DRG1: variants seen among roughly 807,000 people sequenced by gnomAD.
DRG1 encodes the protein developmentally-regulated GTP-binding protein 1.
A neutral mutation model predicts 38.8 loss-of-function variants in DRG1; 19 were observed. That is an observed-to-expected ratio of 0.49 (90% confidence interval 0.34 to 0.72). DRG1 has a LOEUF of 0.72. DRG1 is among the 30% of genes least tolerant of loss of function. DRG1 has a pLI of 0.01. For synonymous variants in DRG1, 167 were observed against 157.5 expected, an observed-to-expected ratio of 1.06 and a Z score of -0.45; for missense variants, 299 against 444.8, an observed-to-expected ratio of 0.67 and a Z score of 2.95.
At chr22:31,428,003 G>A (rs1407071259) in intron 8 of DRG1, among the ~76,000 whole-genome samples, 3 of 152,030 alleles carry the variant, frequency 2.0e-5, no homozygotes, top group Non-Finnish European at 1.5e-5. Flanking sequence ...ACAGGCATGA[G>A]CCACCGTGCC....
At position 31,400,687 on chromosome 22, in the gene DRG1, A is replaced by G; in HGVS notation, c.110A>G (p.Lys37Arg). 6.2e-7 allele frequency: 1 copy of G among 1,613,592 alleles called. No homozygotes were observed. Among genetic ancestry groups the G allele is most frequent in the Non-Finnish European group, 8.5e-7 (1 of 1,179,652 alleles). ...HLGLLKARLA[K>R]LRRELITPKG... ...GGGCTGCTTAAGGCTCGTCTTGCTA[A>G]GCTTCGTCGAGAACTCATTACTCCA... Residue 37 changes from lysine to arginine, a missense_variant, in exon 2 of 9, where the codon AAG becomes AGG. By Grantham distance (26) the Lys-to-Arg change is conservative. Around this residue, in one of 3 missense-constraint regions of DRG1, gnomAD observed 51 missense variants for 56.1 expected, o/e 0.91. Coordinates refer to ENST00000331457, the MANE Select transcript of DRG1 (RefSeq NM_004147.4).
intron 7 of DRG1, 22 bp from the exon 8 acceptor site, chr22:31,427,038 C>G (rs1172020133): frequency 6.2e-7 from 1 of 1,613,422 alleles, no homozygotes. Context: ...AGGCAGTAAT[C>G]TTTATGCCCT....
chr22:31,417,063 C>CAAA (rs71319192), intron 4 of DRG1, among the ~76,000 whole-genome samples: 1 of 143,496 alleles, frequency 7.0e-6, no homozygotes, highest in Admixed American at 7.0e-5. Flanking sequence ...CACCCTGTCT[C>CAAA]AAAAAAAAAA....
intron 8 of DRG1, among the ~76,000 whole-genome samples, chr22:31,429,165 CTGGAG>C (rs1320030957): frequency 1.3e-5 from 2 of 152,124 alleles, no homozygotes; most frequent in Non-Finnish European, 2.9e-5. Flanking sequence ...TAGCCATAGG[CTGGAG>C]TGTAGTGGCA....
intron 8 of DRG1, among the ~76,000 whole-genome samples, chr22:31,430,562 T>A (rs1446736974): frequency 6.6e-6 from 1 of 151,316 alleles, no homozygotes. Context: ...ACCACACTCG[T>A]CTAATTTTTT....
intron 8 of DRG1, among the ~76,000 whole-genome samples, chr22:31,430,748 G>T (rs1202163417): frequency 6.6e-6 from 1 of 151,650 alleles, no homozygotes; most frequent in African/African-American, 2.4e-5. Flanking sequence ...TTTGAGACAG[G>T]TTCTCTGTCT....
At chr22:31,412,653 CTTTCT>C (rs2050024430) in intron 4 of DRG1, among the ~76,000 whole-genome samples, 4 of 151,772 alleles carry the variant, frequency 2.6e-5, no homozygotes, top group Admixed American at 2.6e-4. Flanking sequence ...CTGGCCCTCT[CTTTCT>C]TTTCTTTGAT....
Position 31,427,104 on chromosome 22 carries a change from T to C in DRG1, c.926T>C (p.Val309Ala), listed in dbSNP as rs2050115192. ...CAGTTACCAGATTACACATCCCCAG[T>C]GGTGCTTCCTTACTCCAGGACCACA... ...KGQLPDYTSPVVLPYSRTTVE... is the reference protein window; with the variant it reads ...KGQLPDYTSPAVLPYSRTTVE... Residue 309 changes from valine to alanine, a missense_variant, in exon 8 of 9, where the codon GTG (valine) becomes GCG (alanine). Val to Ala is a moderately conservative substitution (Grantham distance 64, BLOSUM62 0). Transcript: ENST00000331457. The C allele has an allele frequency of 6.2e-7, 1 of 1,613,988 alleles. No homozygotes were observed. The highest frequency in any genetic ancestry group is 1.7e-5 in the Admixed American group (1 of 59,988).
At chr22:31,430,886 T>G (rs2050134804) in intron 8 of DRG1, among the ~76,000 whole-genome samples, 1 of 150,582 alleles carries the variant, frequency 6.6e-6, no homozygotes, top group African/African-American at 2.4e-5. Flanking sequence ...CCCAGCAAAT[T>G]TTTTTTTTAT....
intron 6 of DRG1, among the ~76,000 whole-genome samples, chr22:31,425,195 G>T (rs2050103014): frequency 6.6e-6 from 1 of 151,962 alleles, no homozygotes; most frequent in South Asian, 2.1e-4. Context: ...CCCCATTTCA[G>T]TTTTTTTCTT....
At chr22:31,405,679 GT>G (rs910542421) in intron 3 of DRG1, among the ~76,000 whole-genome samples, 22 of 146,220 alleles carry the variant, frequency 1.5e-4, no homozygotes, top group Admixed American at 4.8e-4. Context: ...GTGTGTGTGT[GT>G]GGGGGGGTTT....
chr22:31,416,877 T>C (rs1325764870), intron 4 of DRG1, among the ~76,000 whole-genome samples: 1 of 143,292 alleles, frequency 7.0e-6, no homozygotes, highest in Non-Finnish European at 1.5e-5. Flanking sequence ...CACTCCACCC[T>C]GGTGACAGCA....
chr22:31,413,464 T>C (rs1167568933), intron 4 of DRG1, among the ~76,000 whole-genome samples: 1 of 152,078 alleles, frequency 6.6e-6, no homozygotes, highest in East Asian at 1.9e-4. Context: ...CATTGTCTTC[T>C]AATCCTGCTA....
intron 1 of DRG1, 77 bp from the exon 2 acceptor site, chr22:31,400,543 G>T: frequency 6.4e-7 from 1 of 1,573,380 alleles, no homozygotes; most frequent in Non-Finnish European, 8.7e-7. Context: ...GTAGGACTTG[G>T]GGAAAAAAAT....
chr22:31,433,470 C>T (rs1377440555), intron 8 of DRG1, among the ~76,000 whole-genome samples: 5 of 152,042 alleles, frequency 3.3e-5, no homozygotes, highest in Non-Finnish European at 7.4e-5. Context: ...GGGGTTTCAC[C>T]ATGTTGGCCA....
intron 4 of DRG1, among the ~76,000 whole-genome samples, chr22:31,416,570 C>A (rs913451153): frequency 1.3e-5 from 2 of 151,914 alleles, no homozygotes; most frequent in Non-Finnish European, 2.9e-5. Context: ...GCCTGGCCAA[C>A]GTGGTGAAAC....
rs553092623 is a variant in DRG1 at position 31,414,386 on chromosome 22, G to A, written c.412+3305G>A. Among the ~76,000 whole-genome samples, 46 of 152,154 alleles carry A rather than the reference G, an allele frequency of 3.0e-4. No individual in the cohort carries two copies. In the South Asian group the frequency reaches 9.5e-3, roughly 31 times the overall value. On this transcript the variant is annotated intron_variant, in intron 4 of 8. Transcript: ENST00000331457. Reference sequence around the variant, plus strand: ...TAGCTGAGGCGGGAGGATCACTTGAGCTCAGGAGTTTGAGACCAGCCTGGG... The same window carrying A: ...TAGCTGAGGCGGGAGGATCACTTGAACTCAGGAGTTTGAGACCAGCCTGGG...
intron 3 of DRG1, among the ~76,000 whole-genome samples, chr22:31,409,823 G>T (rs1853359920): frequency 6.6e-6 from 1 of 151,932 alleles, no homozygotes; most frequent in South Asian, 2.1e-4. Context: ...TCGAAACCCT[G>T]ACTCTACTAA....
At chr22:31,428,252 C>T (rs1362425907) in intron 8 of DRG1, among the ~76,000 whole-genome samples, 2 of 151,896 alleles carry the variant, frequency 1.3e-5, no homozygotes, top group African/African-American at 2.4e-5. Context: ...CGCTGTGTCG[C>T]CCAGGCTGGA....
Sources: allele counts gnomAD v4.1 joint callset (sites outside exome capture counted in the v4.1 genomes callset), GRCh38; gene constraint gnomAD v4.1.1; regional missense constraint gnomAD v4.1.1; transcripts MANE v1.5; gene names NCBI Gene and HGNC (gene_info 2026-07-23, HGNC 2026-07-21).